CENPF: variants seen among roughly 807,000 people sequenced by gnomAD.
The protein encoded by CENPF is AH antigen.
A neutral mutation model predicts 307.3 loss-of-function variants in CENPF; 214 were observed. That is an observed-to-expected ratio of 0.70 (90% confidence interval 0.62 to 0.78). The LOEUF is 0.78. Among genes scored for constraint, CENPF ranks in the 30% least tolerant of loss-of-function variants. The pLI is 0.00. For synonymous variants in CENPF, 1,259 were observed against 1,270.6 expected, an observed-to-expected ratio of 0.99 and a Z score of 0.19; for missense variants, 3,401 against 3,483.9, an observed-to-expected ratio of 0.98 and a Z score of 0.60.
intron 1 of CENPF, chr1:214,605,898 T>G: frequency 6.3e-7 from 1 of 1,597,244 alleles, no homozygotes; most frequent in Non-Finnish European, 8.5e-7. Flanking sequence ...ACCTTCTCGA[T>G]GTTAGGGAAG....
intron 6 of CENPF, among the ~76,000 whole-genome samples, chr1:214,621,797 A>G (rs148262908): frequency 3.4e-4 from 52 of 152,348 alleles, no homozygotes; most frequent in African/African-American, 1.2e-3. Flanking sequence ...CACAGTCTCA[A>G]TAAGAAGATA....
Position 214,608,258 on chromosome 1 carries a change from G to A in CENPF, c.-42+4937G>A, listed in dbSNP as rs1329391263. The A allele has an allele frequency of 1.5e-5, 23 of 1,509,986 alleles. No individual in the cohort carries two copies. The East Asian group carries it at 3.4e-4, about 22-fold the overall frequency. The allele number at this position is 1,509,986 out of a possible 1,614,324, so 93.5% of individuals were successfully genotyped here. A position where few individuals can be genotyped will look rare whatever the true frequency, so the allele number is the denominator to read the frequency against. On this transcript the variant is annotated intron_variant, in intron 1 of 19. Coordinates refer to ENST00000366955, the MANE Select transcript of CENPF (RefSeq NM_016343.4). ...CAGGGAAGCCCGCCCCCCGGCCCCC[G>A]GCCTGGTCCCCTCTTGGGTGTGCCC...
intron 1 of CENPF, chr1:214,608,396 C>G: frequency 1.2e-6 from 2 of 1,613,412 alleles, no homozygotes; most frequent in Middle Eastern, 1.7e-4. Flanking sequence ...GCACCGTAGC[C>G]GGAGTAGTCG....
rs747281969 is a variant in CENPF, at chr1:214,644,600, A to G, written c.5030A>G (p.His1677Arg). The G allele has an allele frequency of 1.2e-6, 2 of 1,612,458 alleles. No individual in the cohort carries two copies. Among genetic ancestry groups the G allele is most frequent in the Non-Finnish European group, 8.5e-7 (1 of 1,179,062 alleles). Residue 1677 changes from histidine to arginine, a missense_variant, in exon 13 of 20, where the codon CAT (histidine) becomes CGT (arginine). Coordinates refer to ENST00000366955, the MANE Select transcript of CENPF (RefSeq NM_016343.4). ...RNESCDISKE[H>R]TSETTERTPK... ...GAGAGCTGTGACATATCAAAAGAAC[A>G]TACTTCAGAAACTACAGAAAGAACA... is the stretch of plus-strand genomic sequence containing the variant.
In CENPF at chr1:214,647,211, G is replaced by A; in HGVS notation, c.7641G>A (p.Glu2547=). ...LVSKLSQVEG[E]HQLWKEQNLE... ...CTAAACTGTCCCAGGTGGAAGGAGA[G>A]CACCAACTTTGGAAGGAGCAAAACT... The change falls in exon 13 of 20, where the codon GAG becomes GAA. Residue 2547 remains glutamate, a synonymous_variant. Coordinates refer to ENST00000366955, the MANE Select transcript of CENPF (RefSeq NM_016343.4). 6.2e-7 allele frequency: 1 copy of A among 1,614,098 alleles called. No individual in the cohort carries two copies. The highest frequency in any genetic ancestry group is 8.5e-7 in the Non-Finnish European group (1 of 1,179,978).
chr1:214,646,215 GACAAA>G lies in CENPF; in HGVS notation c.6651_6655del (p.Lys2217AsnfsTer19), dbSNP rs780931901. On this transcript the variant is annotated frameshift_variant, in exon 13 of 20. Transcript: ENST00000366955. LOFTEE classifies it high-confidence loss of function. ...CGTTAAGGTCTGAAAAAGAAAATCT[GACAAA>G]ACAAATACAAGAAAAACAAGGTCAG... 1 of 1,613,240 alleles carries G rather than the reference GACAAA, an allele frequency of 6.2e-7. No individual in the cohort carries two copies.
intron 1 of CENPF, chr1:214,605,441 G>GA (rs1656995370): frequency 2.7e-6 from 1 of 369,184 alleles, no homozygotes; most frequent in African/African-American, 2.3e-5. Flanking sequence ...AATCCGCTTT[G>GA]TTTTTTTTTT....
rs781579659 is a variant in CENPF at position 214,656,935 on chromosome 1, A to T, written c.8488A>T (p.Thr2830Ser). ...ATGTGTTGCTTTACTTTGGACAGGT[A>T]CTGTTATGGATACCAAGGTCGATGA... ...QAAQEKQKTG[T>S]VMDTKVDELT... The change falls in exon 18 of 20, where the codon ACT becomes TCT. Residue 2830 changes from threonine to serine, a missense_variant and splice_region_variant. Thr to Ser is a moderately conservative substitution (Grantham distance 58). Transcript: ENST00000366955. The T allele has an allele frequency of 4.4e-6, 7 of 1,593,862 alleles. No individual in the cohort carries two copies. Among genetic ancestry groups the T allele is most frequent in the Non-Finnish European group, 6.0e-6 (7 of 1,171,186 alleles).
intron 14 of CENPF, among the ~76,000 whole-genome samples, chr1:214,649,902 A>G (rs1221910042): frequency 6.6e-6 from 1 of 152,258 alleles, no homozygotes; most frequent in Non-Finnish European, 1.5e-5. Flanking sequence ...TCTCTAAATA[A>G]TAAGTGCTAG....
Position 214,641,142 on chromosome 1 carries a change from A to G in CENPF, c.2804A>G (p.His935Arg). 3 of 1,586,024 alleles carry G rather than the reference A, an allele frequency of 1.9e-6. No homozygotes were observed. The highest frequency in any genetic ancestry group is 2.6e-6 in the Non-Finnish European group (3 of 1,173,188). The stretch of plus-strand genomic sequence containing the variant: ...ATTCAAGAATTAAAAAAGAGCAACC[A>G]TCTACTTGAAGACTCTCTAAAGGAG... ...AEIQELKKSN[H>R]LLEDSLKELQ... The change falls in exon 12 of 20, where the codon CAT (histidine) becomes CGT (arginine). Residue 935 changes from histidine to arginine, a missense_variant. His to Arg is a conservative substitution (Grantham distance 29). Transcript: ENST00000366955.
chr1:214,648,356 TA>T lies in CENPF; in HGVS notation c.7831-317del, dbSNP rs3830483. The stretch of plus-strand genomic sequence containing the variant: ...CAAGAAGTGATAAGATACTGCCTGA[TA>T]ATGATAATCTTTGATGTTTAAGTTT... On this transcript the variant is annotated intron_variant, in intron 13 of 19. Coordinates refer to ENST00000366955, the MANE Select transcript of CENPF (RefSeq NM_016343.4). 24,425 of 439,060 alleles carry T rather than the reference TA, an allele frequency of 0.056. 1,018 individuals carry two copies. The highest frequency in any genetic ancestry group is 0.12 in the Admixed American group (3,846 of 32,358). 27.2% of individuals were successfully genotyped at this position (439,060 alleles called of 1,614,324 possible).
chr1:214,626,373 A>G (rs1281601484), intron 7 of CENPF, among the ~76,000 whole-genome samples: 1 of 152,172 alleles, frequency 6.6e-6, no homozygotes, highest in Admixed American at 6.5e-5. Flanking sequence ...GTTAGGAGGA[A>G]TAGGGAAAAG....
In CENPF at chr1:214,614,856, A is replaced by G; in HGVS notation, c.187A>G (p.Thr63Ala). 6.3e-7 allele frequency: 1 copy of G among 1,598,648 alleles called. No homozygotes were observed. The highest frequency in any genetic ancestry group is 8.5e-7 in the Non-Finnish European group (1 of 1,174,788). Residue 63 changes from threonine (T) to alanine (A), a missense_variant, in exon 3 of 20, where the codon ACA becomes GCA. Coordinates refer to ENST00000366955, the MANE Select transcript of CENPF (RefSeq NM_016343.4). The stretch of plus-strand genomic sequence containing the variant: ...GGTTGAAAATGAAAAAACCGAGGGT[A>G]CAAACCTGAAAAGGGAGAATCAAAG... ...QKVENEKTEG[T>A]NLKRENQRLM...
intron 11 of CENPF, 112 bp downstream of exon 11, chr1:214,638,113 C>T: frequency 1.8e-6 from 2 of 1,126,884 alleles, no homozygotes; most frequent in Non-Finnish European, 2.5e-6. Context: ...TCATATATTC[C>T]CTCAAAAAGA....
intron 17 of CENPF, 139 bp from the exon 18 acceptor site, chr1:214,656,794 C>A: frequency 4.8e-6 from 3 of 622,484 alleles, no homozygotes; most frequent in South Asian, 4.2e-5. Context: ...ACTATAAGAA[C>A]ATATACAGAT....
At chr1:214,626,270 C>T (rs1359786374) in intron 7 of CENPF, among the ~76,000 whole-genome samples, 2 of 152,150 alleles carry the variant, frequency 1.3e-5, no homozygotes, top group Non-Finnish European at 2.9e-5. Flanking sequence ...TGTTTTTCTT[C>T]AGGTCCTCAG....
chr1:214,646,882 A>T lies in CENPF; in HGVS notation c.7312A>T (p.Thr2438Ser). Residue 2438 changes from threonine to serine, a missense_variant, in exon 13 of 20, where the codon ACT becomes TCT. Thr to Ser is a moderately conservative substitution (Grantham distance 58). Transcript: ENST00000366955. ...AGTACAGATGAAAGAAAAATCAAGC[A>T]CTGCCATGGAGATGCTTCAAACACA... Reference protein sequence around the residue: ...EKVQMKEKSSTAMEMLQTQLK... With the variant: ...EKVQMKEKSSSAMEMLQTQLK... 6.2e-7 allele frequency: 1 copy of T among 1,613,834 alleles called. No individual in the cohort carries two copies. Among genetic ancestry groups the T allele is most frequent in the East Asian group, 2.2e-5 (1 of 44,878 alleles).
chr1:214,659,140 A>G lies in CENPF; in HGVS notation c.9141+112A>G, dbSNP rs985751792. On this transcript the variant is annotated intron_variant, in intron 19 of 19. Transcript: ENST00000366955. This position sits in a 1 kb window ranked among gnomAD's most constrained non-coding sequence, Gnocchi z 4.4. ...TTCAGGAGCGCTTTCAAAAAGTCTG[A>G]CCTTCTTGGTGTGGTGTAAGTCAGT... is the stretch of plus-strand genomic sequence containing the variant. 103 of 1,114,216 alleles carry G rather than the reference A, an allele frequency of 9.2e-5. No individual in the cohort carries two copies. Among genetic ancestry groups the G allele is most frequent in the Middle Eastern group, 9.0e-4 (3 of 3,338 alleles). 69.0% of individuals were successfully genotyped at this position (1,114,216 alleles called of 1,614,324 possible). A position where few individuals can be genotyped will look rare whatever the true frequency, so the allele number is the denominator to read the frequency against.
Position 214,655,339 on chromosome 1 carries a change from G to A in CENPF, c.8421G>A (p.Glu2807=), listed in dbSNP as rs1658602569. 2 of 1,610,274 alleles carry A rather than the reference G, an allele frequency of 1.2e-6. No homozygotes were observed. The highest frequency in any genetic ancestry group is 1.3e-5 in the African/African-American group (1 of 74,770). ...TCAAATCCTGTAAACAGCTGGAAGA[G>A]GAAAAGGAGATACTGCAGAAAGAAC... ...LLIKSCKQLE[E]EKEILQKELS... is the part of the protein sequence containing the mutation. Residue 2807 remains glutamate (E), a synonymous_variant, in exon 17 of 20, where the codon GAG becomes GAA. Coordinates refer to ENST00000366955, the MANE Select transcript of CENPF (RefSeq NM_016343.4).
Sources: allele counts gnomAD v4.1 joint callset (sites outside exome capture counted in the v4.1 genomes callset), GRCh38; gene constraint gnomAD v4.1.1; non-coding constraint Gnocchi (gnomAD v3.1); transcripts MANE v1.5; gene names NCBI Gene and HGNC (gene_info 2026-07-23, HGNC 2026-07-21).